The following UBE2E2 variants were observed in gnomAD, a reference collection of about 807,000 sequenced individuals.
UBE2E2 encodes ubiquitin-conjugating enzyme E2 E2.
A neutral mutation model predicts 24.7 loss-of-function variants in UBE2E2; 6 were observed. The ratio of observed to expected loss-of-function variants is 0.24; its 90% CI spans 0.13 to 0.48. UBE2E2 has a LOEUF of 0.48. UBE2E2 is among the 20% of genes least tolerant of loss of function. The pLI is 0.99. For synonymous variants in UBE2E2, 104 were observed against 83.6 expected, an observed-to-expected ratio of 1.24 and a Z score of -1.33; for missense variants, 169 against 245.0, an observed-to-expected ratio of 0.69 and a Z score of 2.07.
chr3:23,436,851 C>G (rs1211061410), intron 3 of UBE2E2, among the ~76,000 whole-genome samples: 2 of 152,342 alleles, frequency 1.3e-5, no homozygotes, highest in African/African-American at 4.8e-5. Flanking sequence ...CATGCAGTTA[C>G]ACCCACCTCA....
intron 3 of UBE2E2, among the ~76,000 whole-genome samples, chr3:23,447,610 T>C (rs1698465036): frequency 6.6e-6 from 1 of 152,206 alleles, no homozygotes; most frequent in Non-Finnish European, 1.5e-5. Flanking sequence ...GAAAAATGAT[T>C]CAGAAGAATT....
rs139758211 is a variant in UBE2E2, at chr3:23,278,289, A to T, written c.227+60977A>T. On this transcript the variant is annotated intron_variant, in intron 3 of 5. Coordinates refer to ENST00000396703, the MANE Select transcript of UBE2E2 (RefSeq NM_152653.4). ...TAAGATTTCTAATTTAATTAAGTAC[A>T]CCGTCATCTCTGACTAGTTTACTTA... Among the ~76,000 whole-genome samples the T allele has an allele frequency of 5.1e-4, 78 of 152,280 alleles. No homozygotes were observed. In the East Asian group the frequency reaches 6.0e-3, roughly 12 times the overall value.
chr3:23,429,795 G>C (rs1423896227), intron 3 of UBE2E2, among the ~76,000 whole-genome samples: 5 of 152,152 alleles, frequency 3.3e-5, no homozygotes, highest in Non-Finnish European at 7.4e-5. Context: ...AGAAACTTCT[G>C]GAACTAATAA....
chr3:23,233,147 T>C (rs986967308), intron 3 of UBE2E2, among the ~76,000 whole-genome samples: 8 of 152,132 alleles, frequency 5.3e-5, no homozygotes, highest in African/African-American at 1.9e-4. Context: ...CCTGAGCCTG[T>C]AGGGGAAAAG....
intron 3 of UBE2E2, among the ~76,000 whole-genome samples, chr3:23,489,568 T>G (rs1222803054): frequency 6.6e-6 from 1 of 152,206 alleles, no homozygotes; most frequent in South Asian, 2.1e-4. Context: ...ATGGTATAAG[T>G]GCAGAGGTCA....
intron 3 of UBE2E2, among the ~76,000 whole-genome samples, chr3:23,226,825 T>G (rs117859286): frequency 0.042 from 6,445 of 152,038 alleles, 179 homozygotes; most frequent in South Asian, 0.14. Flanking sequence ...GAAATTGAAG[T>G]TTTGATTTAA....
At chr3:23,473,278 G>A (rs899011193) in intron 3 of UBE2E2, among the ~76,000 whole-genome samples, 9 of 152,010 alleles carry the variant, frequency 5.9e-5, no homozygotes, top group Admixed American at 5.2e-4. Context: ...TGCTTTTTTA[G>A]AAAGAACATT....
intron 4 of UBE2E2, among the ~76,000 whole-genome samples, chr3:23,510,680 C>G (rs770369488): frequency 1.2e-4 from 18 of 152,132 alleles, no homozygotes; most frequent in Non-Finnish European, 2.1e-4. Flanking sequence ...ATAAGCATAC[C>G]TATTCTAAAC....
intron 5 of UBE2E2, among the ~76,000 whole-genome samples, chr3:23,569,413 G>T (rs1696170229): frequency 6.6e-6 from 1 of 152,152 alleles, no homozygotes; most frequent in African/African-American, 2.4e-5. Flanking sequence ...GGTAATGGTT[G>T]CCCAATCTGT....
intron 3 of UBE2E2, among the ~76,000 whole-genome samples, chr3:23,336,477 G>A (rs1024439874): frequency 1.3e-5 from 2 of 152,136 alleles, no homozygotes; most frequent in African/African-American, 2.4e-5. Flanking sequence ...TTTGTCAGGA[G>A]GTCTGCTGAA....
intron 3 of UBE2E2, among the ~76,000 whole-genome samples, chr3:23,275,232 G>A (rs1228571490): frequency 6.6e-6 from 1 of 152,208 alleles, no homozygotes; most frequent in African/African-American, 2.4e-5. Flanking sequence ...CAGGGTGAGA[G>A]AAGCGGTGCT....
intron 3 of UBE2E2, among the ~76,000 whole-genome samples, chr3:23,293,371 A>C (rs1483729298): frequency 6.6e-6 from 1 of 152,232 alleles, no homozygotes; most frequent in South Asian, 2.1e-4. Context: ...AAAGCCACTA[A>C]CATGAAGGAG....
chr3:23,499,770 C>CA lies in UBE2E2; in HGVS notation c.360+32dup, dbSNP rs768382348. The CA allele has an allele frequency of 3.7e-6, 6 of 1,606,402 alleles. No homozygotes were observed. In the South Asian group the frequency reaches 6.7e-5, roughly 18 times the overall value. On this transcript the variant is annotated intron_variant, in intron 4 of 5. Transcript: ENST00000396703. ...GTATGAAGTTTTCATTGATTTTTAG[C>CA]AATATGGATTATATTTCTAGATACA...
chr3:23,257,000 C>T (rs1047976550), intron 3 of UBE2E2, among the ~76,000 whole-genome samples: 5 of 152,318 alleles, frequency 3.3e-5, no homozygotes, highest in East Asian at 3.9e-4. Flanking sequence ...GTGTGAACCA[C>T]GAAGGAACTG....
At chr3:23,515,218 A>C (rs919084572) in intron 4 of UBE2E2, among the ~76,000 whole-genome samples, 2 of 152,074 alleles carry the variant, frequency 1.3e-5, no homozygotes, top group African/African-American at 4.8e-5. Context: ...AGATTTAGCA[A>C]GCTGTTAACA....
intron 5 of UBE2E2, among the ~76,000 whole-genome samples, chr3:23,578,434 AC>A: frequency 6.6e-6 from 1 of 152,344 alleles, no homozygotes; most frequent in South Asian, 2.1e-4. Context: ...CTGGGTGTAT[AC>A]CCAAAGGAAA....
chr3:23,382,254 T>C (rs1696691233), intron 3 of UBE2E2, among the ~76,000 whole-genome samples: 1 of 142,704 alleles, frequency 7.0e-6, no homozygotes, highest in African/African-American at 2.6e-5. Flanking sequence ...CAATCTCGGC[T>C]CACCGCAGCC....
intron 4 of UBE2E2, among the ~76,000 whole-genome samples, chr3:23,504,984 C>T (rs1694404888): frequency 7.0e-6 from 1 of 142,788 alleles, no homozygotes; most frequent in Admixed American, 7.1e-5. Flanking sequence ...TCATGGCTTA[C>T]TGCAACCTCC....
chr3:23,577,856 T>G (rs1044402227), intron 5 of UBE2E2, among the ~76,000 whole-genome samples: 1 of 152,064 alleles, frequency 6.6e-6, no homozygotes, highest in African/African-American at 2.4e-5. Flanking sequence ...CAGTGCTCAT[T>G]TACCATTTCA....
Sources: gnomAD v4.1 joint callset for allele counts (sites outside exome capture counted in the v4.1 genomes callset) on GRCh38, gnomAD v4.1.1 for gene constraint, MANE v1.5 for transcripts, NCBI Gene and HGNC (gene_info 2026-07-23, HGNC 2026-07-21) for gene names.